The following MAP3K14 variants were observed in gnomAD, a reference collection of about 807,000 sequenced individuals.
MAP3K14 encodes the protein NF-kappa-beta-inducing kinase.
A neutral mutation model predicts 99.2 loss-of-function variants in MAP3K14; 16 were observed. The observed-to-expected ratio is 0.16, with a 90% CI of 0.11 to 0.24. The LOEUF (loss-of-function observed/expected upper bound fraction) is 0.24. MAP3K14 is among the 10% of genes least tolerant of loss of function. MAP3K14 has a pLI of 1.00. For synonymous variants in MAP3K14, 462 were observed against 492.4 expected (o/e 0.94, Z 0.82); for missense variants, 784 against 1,208.7 (o/e 0.65, Z 5.21).
At chr17:45,274,353 G>T in intron 7 of MAP3K14, 99 bp from the exon 8 acceptor site, 1 of 1,571,178 alleles carries the variant, frequency 6.4e-7, no homozygotes, top group East Asian at 2.3e-5. Context: ...CAGGGTCACA[G>T]GGTCAAGAGG....
chr17:45,305,046 T>A (rs1050790936), intron 1 of MAP3K14, among the ~76,000 whole-genome samples: 1 of 152,198 alleles, frequency 6.6e-6, no homozygotes, highest in Non-Finnish European at 1.5e-5. Flanking sequence ...AGATGAGCAG[T>A]CAGACCTTTG....
At chr17:45,305,546 C>T (rs556201259) in intron 1 of MAP3K14, among the ~76,000 whole-genome samples, 1 of 152,206 alleles carries the variant, frequency 6.6e-6, no homozygotes, top group East Asian at 1.9e-4. Flanking sequence ...CAGGCATGTA[C>T]CACCACGCAT....
rs551035697 is a variant in MAP3K14, at chr17:45,286,620, G to T, written c.963C>A (p.Ser321Arg). The T allele has an allele frequency of 4.3e-6, 7 of 1,611,168 alleles. No homozygotes were observed. In the African/African-American group the frequency reaches 6.7e-5, roughly 15 times the overall value. Residue 321 changes from serine (S) to arginine (R), a missense_variant, in exon 5 of 16, where the codon AGC becomes AGA. Transcript: ENST00000344686. The surrounding 1 kb of genome is among the most constrained non-coding windows in gnomAD (Gnocchi z 4.1). ...KPLPGPHLEP[S>R]CLSRGAHEKF... Reference sequence around the variant, plus strand: ...TCTCATGGGCACCACGAGACAGGCAGCTGGGCTCCAGGTGTGGGCCAGGCA... The same window carrying T: ...TCTCATGGGCACCACGAGACAGGCATCTGGGCTCCAGGTGTGGGCCAGGCA...
intron 11 of MAP3K14, chr17:45,268,097 C>T (rs968127519): frequency 2.4e-5 from 6 of 254,808 alleles, no homozygotes; most frequent in Non-Finnish European, 4.5e-5. Context: ...CCTGGGGCTA[C>T]ACCAACTCAA....
intron 1 of MAP3K14, among the ~76,000 whole-genome samples, chr17:45,306,871 T>C (rs1201590169): frequency 2.6e-5 from 4 of 152,338 alleles, no homozygotes; most frequent in South Asian, 4.1e-4. Flanking sequence ...CAGGAGAACA[T>C]GTCGGGCAAG....
At position 45,286,994 on chromosome 17, in the gene MAP3K14, T is replaced by C. The variant is rs1482822854; in HGVS notation, c.589A>G (p.Thr197Ala). 6.2e-7 allele frequency: 1 copy of C among 1,613,918 alleles called. No individual in the cohort carries two copies. Among genetic ancestry groups the C allele is most frequent in the Non-Finnish European group, 8.5e-7 (1 of 1,179,838 alleles). ...AGGCCTGGTTCCTTCAGAGGCTTGGTGAACTGCGGGGTGTTTCTAACATAT... is the reference window on the plus strand; with the variant it reads ...AGGCCTGGTTCCTTCAGAGGCTTGGCGAACTGCGGGGTGTTTCTAACATAT... ...APYVRNTPQFTKPLKEPGLGQ... is the reference protein window; with the variant it reads ...APYVRNTPQFAKPLKEPGLGQ... Residue 197 changes from threonine to alanine, a missense_variant, in exon 5 of 16, where the codon ACC becomes GCC. Around this residue, in one of 5 missense-constraint regions of MAP3K14, gnomAD observed 188 missense variants for 313.0 expected, o/e 0.60. Transcript: ENST00000344686. The surrounding 1 kb of genome is among the most constrained non-coding windows in gnomAD (Gnocchi z 4.1).
chr17:45,278,679 CTTTT>C (rs34562745), intron 6 of MAP3K14, among the ~76,000 whole-genome samples: 3 of 139,156 alleles, frequency 2.2e-5, no homozygotes, highest in African/African-American at 5.3e-5. Flanking sequence ...CCATGCTGAA[CTTTT>C]TTTTTTTTTT....
rs377023654 is a variant in MAP3K14, at chr17:45,265,117, T to G, written c.2679+46A>C. 38 of 1,469,682 alleles carry G rather than the reference T, an allele frequency of 2.6e-5. 1 individual carries two copies. The South Asian group carries it at 4.3e-4, about 17-fold the overall frequency. 91.0% of individuals were successfully genotyped at this position (1,469,682 alleles called of 1,614,324 possible). On this transcript the variant is annotated intron_variant, in intron 15 of 15. Transcript: ENST00000344686. ...CTCCTGGAGGGTGGGGCCAGCTGCA[T>G]TGGCTTCTGGGACTCTGCCCGTCAG... is the stretch of plus-strand genomic sequence containing the variant.
At chr17:45,304,137 C>T (rs771642139) in intron 1 of MAP3K14, among the ~76,000 whole-genome samples, 23 of 151,530 alleles carry the variant, frequency 1.5e-4, no homozygotes, top group Admixed American at 8.5e-4. Flanking sequence ...CTCAACCTTC[C>T]GAGTTACAGG....
intron 1 of MAP3K14, among the ~76,000 whole-genome samples, chr17:45,298,272 T>C (rs2044360903): frequency 6.6e-6 from 1 of 152,066 alleles, no homozygotes; most frequent in Admixed American, 6.5e-5. Context: ...GTCAATCTGA[T>C]ACAAGGCAAG....
Position 45,264,162 on chromosome 17 carries a change from A to T in MAP3K14, c.*474T>A, listed in dbSNP as rs1017790155. ...GGGCCCCCTTAACCTACGGGCGGGC[A>T]TACCTGCTGACCTGGTTCTGCACTG... On this transcript the variant is annotated 3_prime_UTR_variant, in exon 16 of 16. Transcript: ENST00000344686. The T allele has an allele frequency of 6.5e-6, 1 of 153,996 alleles. No individual in the cohort carries two copies. The highest frequency in any genetic ancestry group is 3.3e-3 in the Middle Eastern group (1 of 302). 9.5% of individuals were successfully genotyped at this position (153,996 alleles called of 1,614,324 possible).
rs768923709 is a variant in MAP3K14, at chr17:45,286,382, C to T, written c.1152+49G>A. 57 of 1,508,470 alleles carry T rather than the reference C, an allele frequency of 3.8e-5. No homozygotes were observed. Among genetic ancestry groups the T allele is most frequent in the Non-Finnish European group, 4.9e-5 (55 of 1,126,156 alleles). 93.4% of individuals were successfully genotyped at this position (1,508,470 alleles called of 1,614,324 possible). On this transcript the variant is annotated intron_variant, in intron 5 of 15. Coordinates refer to ENST00000344686, the MANE Select transcript of MAP3K14 (RefSeq NM_003954.5). The surrounding 1 kb of genome is among the most constrained non-coding windows in gnomAD (Gnocchi z 4.1). ...CTCTGATAAAGAGAGAAAAGCATCC[C>T]CCAGGTTGCTGGTAGAGGGACATAT...
intron 13 of MAP3K14, 123 bp downstream of exon 13, chr17:45,266,969 C>G: frequency 2.6e-6 from 2 of 777,464 alleles, no homozygotes; most frequent in Non-Finnish European, 4.2e-6. Context: ...CCCCATCACC[C>G]TCCCTTTACC....
In MAP3K14 at chr17:45,264,321, T is replaced by C. The variant is rs1176207141; in HGVS notation, c.*315A>G. ...CTGTCTGCCAGCAAATGGTCACTGA[T>C]CCAAGCGGGTCAGGCCAACTCGACT... On this transcript the variant is annotated 3_prime_UTR_variant, in exon 16 of 16. Coordinates refer to ENST00000344686, the MANE Select transcript of MAP3K14 (RefSeq NM_003954.5). 2 of 256,438 alleles carry C rather than the reference T, an allele frequency of 7.8e-6. No homozygotes were observed. Among genetic ancestry groups the C allele is most frequent in the African/African-American group, 4.5e-5 (2 of 44,694 alleles). The allele number at this position is 256,438 out of a possible 1,614,324, so 15.9% of individuals were successfully genotyped here. A position where few individuals can be genotyped will look rare whatever the true frequency, so the allele number is the denominator to read the frequency against.
chr17:45,264,781 C>T lies in MAP3K14; in HGVS notation c.2699G>A (p.Ser900Asn). Residue 900 changes from serine to asparagine, a missense_variant, in exon 16 of 16, where the codon AGC (serine) becomes AAC (asparagine). This residue lies in a region of MAP3K14 where 130 missense variants were observed against 220.4 expected (regional missense o/e 0.59). Transcript: ENST00000344686. ...AGGCTGCCCGTCTTTGGTGACCAAG[C>T]TGAAGGCTGCAGCTGGGATCTAAGG... Reference protein sequence around the residue: ...ISSQIPAAAFSLVTKDGQPVR... With the variant: ...ISSQIPAAAFNLVTKDGQPVR... The T allele has an allele frequency of 6.2e-7, 1 of 1,613,370 alleles. No individual in the cohort carries two copies.
At chr17:45,306,328 A>T (rs2044429987) in intron 1 of MAP3K14, among the ~76,000 whole-genome samples, 4 of 152,156 alleles carry the variant, frequency 2.6e-5, no homozygotes. Context: ...AAATGATCTA[A>T]GCTTTAAAAA....
chr17:45,287,819 C>T (rs2044279688), intron 3 of MAP3K14, among the ~76,000 whole-genome samples: 1 of 152,114 alleles, frequency 6.6e-6, no homozygotes, highest in Non-Finnish European at 1.5e-5. Context: ...CTGAGCAGAG[C>T]TTGTTTCTGT....
At chr17:45,294,946 A>G (rs887524913) in intron 1 of MAP3K14, among the ~76,000 whole-genome samples, 2 of 152,232 alleles carry the variant, frequency 1.3e-5, no homozygotes, top group Non-Finnish European at 2.9e-5. Flanking sequence ...AGCATTGCAG[A>G]AAGTTCTATT....
intron 1 of MAP3K14, among the ~76,000 whole-genome samples, chr17:45,293,224 C>A (rs1382888270): frequency 6.6e-6 from 1 of 152,160 alleles, no homozygotes; most frequent in Non-Finnish European, 1.5e-5. Context: ...AAAAATGAGG[C>A]CAGGTGGTGC....
Sources: allele counts gnomAD v4.1 joint callset (sites outside exome capture counted in the v4.1 genomes callset), GRCh38; gene constraint gnomAD v4.1.1; regional missense constraint gnomAD v4.1.1; non-coding constraint Gnocchi (gnomAD v3.1); transcripts MANE v1.5; gene names NCBI Gene and HGNC (gene_info 2026-07-23, HGNC 2026-07-21).